Variants in DOCK9 observed in about 807,000 individuals in gnomAD.
DOCK9 encodes the protein dedicator of cytokinesis 9, also known as dedicator of cytokinesis protein 9.
In DOCK9, 89 loss-of-function variants were observed where a neutral mutation model predicts 263.3. That is an observed-to-expected ratio of 0.34 (90% CI 0.28 to 0.40). The LOEUF (loss-of-function observed/expected upper bound fraction) is 0.40, where lower values mean the gene tolerates loss of function less well. DOCK9 is among the 10% of genes least tolerant of loss of function. The pLI, the probability that DOCK9 is intolerant of heterozygous loss-of-function variation, is 1.00. For missense variants in DOCK9, 2,140 were observed against 2,603.4 expected, an observed-to-expected ratio of 0.82 and a Z score of 3.87; for synonymous variants, 976 against 973.1, an observed-to-expected ratio of 1.00 and a Z score of -0.06.
At chr13:99,071,306 C>CCTTTTT (rs1286343497) in intron 1 of DOCK9, among the ~76,000 whole-genome samples, 2 of 49,320 alleles carry the variant, frequency 4.1e-5, no homozygotes, top group Admixed American at 5.5e-4. Context: ...CCATGCCTGG[C>CCTTTTT]TTTTTTTTTT....
intron 14 of DOCK9, 28 bp downstream of exon 14, chr13:98,898,151 T>C (rs2047717121): frequency 6.4e-7 from 1 of 1,553,238 alleles, no homozygotes; most frequent in African/African-American, 1.4e-5. Context: ...TCTATATCGA[T>C]TTAAAAGGTA....
exon 1 of DOCK9, chr13:99,086,290 C>T (rs1164014772): frequency 6.7e-7 from 1 of 1,494,886 alleles, no homozygotes. Context: ...GCCCGGCTTA[C>T]TCAGCGCCCG....
At chr13:98,972,941 T>G (rs2059888474) in intron 1 of DOCK9, among the ~76,000 whole-genome samples, 1 of 152,206 alleles carries the variant, frequency 6.6e-6, no homozygotes, top group South Asian at 2.1e-4. Context: ...TCTCCATTCT[T>G]GTAAATGTGG....
chr13:99,084,919 C>G (rs1313872685), intron 1 of DOCK9, among the ~76,000 whole-genome samples: 1 of 152,238 alleles, frequency 6.6e-6, no homozygotes, highest in Non-Finnish European at 1.5e-5. Flanking sequence ...AGGTTCTGGT[C>G]TATTCCCAAC....
At chr13:99,017,744 T>TA (rs202029815) in intron 1 of DOCK9, among the ~76,000 whole-genome samples, 2,454 of 152,224 alleles carry the variant, frequency 0.016, 47 homozygotes, top group Non-Finnish European at 0.02. Flanking sequence ...TGATGAGCTT[T>TA]AAAAAAAATC....
At chr13:98,868,628 AC>A (rs2094109252) in intron 27 of DOCK9, among the ~76,000 whole-genome samples, 1 of 152,158 alleles carries the variant, frequency 6.6e-6, no homozygotes, top group East Asian at 1.9e-4. Flanking sequence ...GGTGGTATGC[AC>A]CTGTAGTCCC....
intron 43 of DOCK9, among the ~76,000 whole-genome samples, chr13:98,828,521 A>G (rs2092635673): frequency 2.0e-5 from 3 of 152,236 alleles, no homozygotes; most frequent in Non-Finnish European, 4.4e-5. Context: ...AAAAATAAAT[A>G]TGTAAAAATA....
At chr13:98,823,581 G>T (rs1403675546) in intron 45 of DOCK9, among the ~76,000 whole-genome samples, 2 of 152,192 alleles carry the variant, frequency 1.3e-5, no homozygotes, top group Non-Finnish European at 2.9e-5. Flanking sequence ...TAAAACATGG[G>T]CAGGATTAAA....
At chr13:99,037,316 G>A (rs72651885) in intron 1 of DOCK9, among the ~76,000 whole-genome samples, 4,828 of 151,682 alleles carry the variant, frequency 0.032, 106 homozygotes, top group Non-Finnish European at 0.05. Flanking sequence ...AAAAAGATTG[G>A]AACAAACATT....
At chr13:99,036,482 G>T (rs1027005140) in intron 1 of DOCK9, among the ~76,000 whole-genome samples, 1 of 152,130 alleles carries the variant, frequency 6.6e-6, no homozygotes, top group African/African-American at 2.4e-5. Flanking sequence ...TCGAACTTCT[G>T]GCCTCCAGAA....
chr13:98,938,002 C>G (rs186190284), intron 2 of DOCK9, among the ~76,000 whole-genome samples: 2 of 152,274 alleles, frequency 1.3e-5, no homozygotes, highest in East Asian at 3.9e-4. Context: ...TCACCTGGGC[C>G]GACCCCTGGG....
At chr13:98,861,825 T>A (rs150171925) in intron 32 of DOCK9, among the ~76,000 whole-genome samples, 42 of 152,302 alleles carry the variant, frequency 2.8e-4, no homozygotes, top group African/African-American at 8.4e-4. Flanking sequence ...AGCACAAAGA[T>A]AATATAAATT....
At chr13:98,961,719 C>A (rs1444434629) in intron 1 of DOCK9, among the ~76,000 whole-genome samples, 3 of 151,766 alleles carry the variant, frequency 2.0e-5, no homozygotes, top group Non-Finnish European at 4.4e-5. Context: ...CCCTCAGCAT[C>A]CCACTCAGGC....
At chr13:98,995,488 T>C (rs1386915639) in intron 1 of DOCK9, among the ~76,000 whole-genome samples, 1,828 of 58,868 alleles carry the variant, frequency 0.031, 24 homozygotes, top group South Asian at 0.17. Flanking sequence ...GAAGATACTT[T>C]TTTTTTTTTT....
chr13:99,055,449 C>T (rs771481923), intron 1 of DOCK9, among the ~76,000 whole-genome samples: 4 of 151,992 alleles, frequency 2.6e-5, no homozygotes, highest in Admixed American at 6.6e-5. Context: ...GCCTCCAGTG[C>T]GGGGAAGGGG....
rs1255396328 is a variant in DOCK9, at chr13:98,883,118, T to C, written c.2483A>G (p.His828Arg). ...STVYTQDQHL[H>R]NFFQYCQKTE... ...TTTCTGACAGTACTGGAAAAAATTA[T>C]GTAAATGCTGATCCTGAGGTAGGGA... The change falls in exon 23 of 53, where the codon CAT becomes CGT. Residue 828 changes from histidine (H) to arginine (R), a missense_variant. Physicochemically the swap from His to Arg is conservative, Grantham distance 29 (BLOSUM62 0). Coordinates refer to ENST00000682017, the MANE Select transcript of DOCK9 (RefSeq NM_001366683.2). The C allele has an allele frequency of 6.2e-7, 1 of 1,613,594 alleles. No homozygotes were observed. The highest frequency in any genetic ancestry group is 1.3e-5 in the African/African-American group (1 of 74,928).
At chr13:99,059,980 T>A (rs543342266) in intron 1 of DOCK9, among the ~76,000 whole-genome samples, 1 of 152,068 alleles carries the variant, frequency 6.6e-6, no homozygotes, top group East Asian at 1.9e-4. Context: ...CATGTGTCAG[T>A]ACTCCACTCC....
chr13:98,805,907 T>C (rs1044057678), intron 48 of DOCK9, among the ~76,000 whole-genome samples: 4 of 152,142 alleles, frequency 2.6e-5, no homozygotes, highest in African/African-American at 9.7e-5. Flanking sequence ...ACTACAGGTG[T>C]GTGCCACCAT....
intron 1 of DOCK9, among the ~76,000 whole-genome samples, chr13:99,019,386 T>A (rs1885803474): frequency 1.3e-5 from 2 of 152,172 alleles, no homozygotes. Context: ...ATTTATGGCG[T>A]GTGAATGTAA....
Sources: allele counts gnomAD v4.1 joint callset (sites outside exome capture counted in the v4.1 genomes callset), GRCh38; gene constraint gnomAD v4.1.1; transcripts MANE v1.5; gene names NCBI Gene and HGNC (gene_info 2026-07-23, HGNC 2026-07-21).